Variants in FANCI observed in about 807,000 individuals in gnomAD.
FANCI encodes the protein Fanconi anemia group I protein.
In FANCI, 156 loss-of-function variants were observed where a neutral mutation model predicts 176.1. That is an observed-to-expected ratio of 0.89 (90% CI 0.78 to 1.01). FANCI has a LOEUF of 1.01. Among genes scored for constraint, FANCI ranks in the 50% least tolerant of loss-of-function variants. FANCI has a pLI of 0.00. For missense variants in FANCI, 1,678 were observed against 1,534.1 expected, an observed-to-expected ratio of 1.09 and a Z score of -1.57; for synonymous variants, 613 against 541.7, an observed-to-expected ratio of 1.13 and a Z score of -1.83.
chr15:89,315,827 T>TTACTCTTAGCAAGTGACAGTACC (rs2055218694), intron 37 of FANCI, among the ~76,000 whole-genome samples: 1 of 152,206 alleles, frequency 6.6e-6, no homozygotes, highest in African/African-American at 2.4e-5. Context: ...TCCTCTCCCT[T>TTACTCTTAGCAAGTGACAGTACC]TACTCTTAGC....
At chr15:89,316,266 G>A (rs1284492023) in intron 37 of FANCI, 131 bp from the exon 38 acceptor site, 4 of 912,878 alleles carry the variant, frequency 4.4e-6, no homozygotes, top group African/African-American at 1.7e-5. Context: ...CCTCCTGTGA[G>A]TGGGAAAGTG....
At chr15:89,310,104 G>C (rs1380260157) in intron 34 of FANCI, among the ~76,000 whole-genome samples, 1 of 152,192 alleles carries the variant, frequency 6.6e-6, no homozygotes, top group Admixed American at 6.5e-5. Flanking sequence ...TCTGAGACTT[G>C]AACCCAGCTA....
Position 89,293,823 on chromosome 15 carries a change from T to C in FANCI, c.2292-10T>C, listed in dbSNP as rs761237273. Reference sequence around the variant, plus strand: ...TTTGTCCTTAGCGGTCTCTTTTTTGTTTTTTACAGTAAGAATAGGTTTGAG... The same window carrying C: ...TTTGTCCTTAGCGGTCTCTTTTTTGCTTTTTACAGTAAGAATAGGTTTGAG... On this transcript the variant is annotated splice_polypyrimidine_tract_variant and intron_variant, in intron 22 of 37. Transcript: ENST00000310775. The C allele has an allele frequency of 2.5e-6, 4 of 1,613,328 alleles. No individual in the cohort carries two copies. In the South Asian group the frequency reaches 4.4e-5, roughly 18 times the overall value.
rs556710502 is a variant in FANCI at position 89,310,209 on chromosome 15, A to G, written c.3651+2537A>G. Among the ~76,000 whole-genome samples, 15 of 152,374 alleles carry G rather than the reference A, an allele frequency of 9.8e-5. No homozygotes were observed. In the South Asian group the frequency reaches 3.1e-3, roughly 32 times the overall value. The stretch of plus-strand genomic sequence containing the variant: ...GTCTCTATCACACCTACTCAACTCT[A>G]CTATTAGAACATAAAAGCAGCCATA... On this transcript the variant is annotated intron_variant, in intron 34 of 37. Transcript: ENST00000310775.
In FANCI at chr15:89,260,724, T is replaced by C. The variant is rs1228729061; in HGVS notation, c.169T>C (p.Ser57Pro). The change falls in exon 4 of 38, where the codon TCT (serine) becomes CCT (proline). Residue 57 changes from serine (S) to proline (P), a missense_variant. Physicochemically the swap from Ser to Pro is moderately conservative, Grantham distance 74 (BLOSUM62 -1). Transcript: ENST00000310775. ...TTTAAAACAATAAGGTTCCCCCTGC[T>C]CTGAGGAAGCTGGAACACTTAGGAG... ...LRAIFKGSPC[S>P]EEAGTLRRRK... 1 of 1,613,874 alleles carries C rather than the reference T, an allele frequency of 6.2e-7. No homozygotes were observed. Among genetic ancestry groups the C allele is most frequent in the African/African-American group, 1.3e-5 (1 of 75,052 alleles).
chr15:89,267,454 T>C (rs888515316), intron 9 of FANCI, among the ~76,000 whole-genome samples: 8 of 152,106 alleles, frequency 5.3e-5, no homozygotes, highest in Admixed American at 2.0e-4. Flanking sequence ...GATGGGACTT[T>C]ATTGTTTTTG....
intron 35 of FANCI, among the ~76,000 whole-genome samples, chr15:89,314,008 T>C (rs1008188133): frequency 1.6e-5 from 2 of 125,878 alleles, no homozygotes; most frequent in Admixed American, 8.2e-5. Context: ...CACACAAATG[T>C]AGGACCTACA....
In FANCI at chr15:89,263,894, G is replaced by C; in HGVS notation, c.546-9G>C. 6.2e-7 allele frequency: 1 copy of C among 1,614,002 alleles called. No homozygotes were observed. The highest frequency in any genetic ancestry group is 8.5e-7 in the Non-Finnish European group (1 of 1,179,924). ...ACTGTCTATAGCCTTTAGAATCTTTGATCCACAGGGATGTCCCTCTGACTG... is the reference window on the plus strand; with the variant it reads ...ACTGTCTATAGCCTTTAGAATCTTTCATCCACAGGGATGTCCCTCTGACTG... On this transcript the variant is annotated splice_polypyrimidine_tract_variant and intron_variant, in intron 7 of 37. Coordinates refer to ENST00000310775, the MANE Select transcript of FANCI (RefSeq NM_001113378.2).
intron 32 of FANCI, 131 bp downstream of exon 32, chr15:89,306,325 C>T: frequency 2.2e-6 from 2 of 919,478 alleles, no homozygotes; most frequent in Non-Finnish European, 3.5e-6. Context: ...CTTGGCAGGT[C>T]ATGGTTTCAT....
rs539383047 is a variant in FANCI, at chr15:89,312,792, C to T, written c.3652-112C>T. On this transcript the variant is annotated intron_variant, in intron 34 of 37. Transcript: ENST00000310775. ...CGACATCACGCCACTGCACACCAGC[C>T]TGGGTGACAGCAAAGCTCTGTCTTA... The T allele has an allele frequency of 3.9e-4, 316 of 810,218 alleles. 1 individual carries two copies. The African/African-American group carries it at 4.3e-3, about 11-fold the overall frequency. 50.2% of individuals were successfully genotyped at this position (810,218 alleles called of 1,614,324 possible). A position where few individuals can be genotyped will look rare whatever the true frequency, so the allele number is the denominator to read the frequency against.
rs1240903071 is a variant in FANCI at position 89,300,021 on chromosome 15, C to A, written c.2803+55C>A. ...TGATTTAGGTTTCTCCTTAGCTCAACCCCTTAATTCCATTTGTTAACCTAC... is the reference window on the plus strand; with the variant it reads ...TGATTTAGGTTTCTCCTTAGCTCAAACCCTTAATTCCATTTGTTAACCTAC... On this transcript the variant is annotated intron_variant, in intron 25 of 37. Coordinates refer to ENST00000310775, the MANE Select transcript of FANCI (RefSeq NM_001113378.2). 5 of 1,580,460 alleles carry A rather than the reference C, an allele frequency of 3.2e-6. No homozygotes were observed. In the East Asian group the frequency reaches 9.0e-5, roughly 28 times the overall value.
intron 22 of FANCI, 38 bp from the exon 23 acceptor site, chr15:89,293,795 A>T: frequency 6.3e-7 from 1 of 1,594,530 alleles, no homozygotes; most frequent in Non-Finnish European, 8.6e-7. Flanking sequence ...CAATATTCTG[A>T]TGTTTGTCCT....
intron 14 of FANCI, 139 bp from the exon 15 acceptor site, chr15:89,281,031 A>G: frequency 1.3e-6 from 1 of 791,106 alleles, no homozygotes; most frequent in Non-Finnish European, 2.1e-6. Flanking sequence ...ATATAGAATC[A>G]GTAGAAATTT....
At chr15:89,256,920 T>G (rs1348583167) in intron 2 of FANCI, among the ~76,000 whole-genome samples, 12 of 152,186 alleles carry the variant, frequency 7.9e-5, no homozygotes, top group Admixed American at 3.9e-4. Flanking sequence ...TTGTTGTTTT[T>G]TTTTGATATG....
At chr15:89,288,730 T>C (rs2151665518) in intron 18 of FANCI, among the ~76,000 whole-genome samples, 1 of 152,018 alleles carries the variant, frequency 6.6e-6, no homozygotes, top group African/African-American at 2.4e-5. Flanking sequence ...ATAATCCTCT[T>C]GCCTCAGCCC....
chr15:89,289,013 GT>G (rs543342512), intron 18 of FANCI, among the ~76,000 whole-genome samples: 103 of 145,054 alleles, frequency 7.1e-4, no homozygotes, highest in Middle Eastern at 3.5e-3. Flanking sequence ...TTTCTTTGAG[GT>G]TTTTTTTTTT....
intron 24 of FANCI, among the ~76,000 whole-genome samples, chr15:89,296,859 TCCTCACTTCCCAGTAGGGGCC>T (rs1567167924): frequency 7.0e-6 from 1 of 142,722 alleles, no homozygotes; most frequent in African/African-American, 2.6e-5. Flanking sequence ...GCAGAGGGGC[TCCTCACTTCCCAGTAGGGGCC>T]CCTCACCTCC....
intron 13 of FANCI, among the ~76,000 whole-genome samples, chr15:89,277,496 G>T (rs960972586): frequency 6.6e-6 from 1 of 151,364 alleles, no homozygotes; most frequent in African/African-American, 2.4e-5. Context: ...CGCACCTGCA[G>T]TCCCAGCTAC....
In FANCI at chr15:89,301,582, A is replaced by G. The variant is rs574537793; in HGVS notation, c.3006+140A>G. ...TGTTTAATTATACACCTGAGTTAAT[A>G]TAAGACCTATAAGATGTATTCTTTC... On this transcript the variant is annotated intron_variant, in intron 27 of 37. Coordinates refer to ENST00000310775, the MANE Select transcript of FANCI (RefSeq NM_001113378.2). 1.2e-3 allele frequency: 858 copies of G among 741,064 alleles called. 9 individuals are homozygous for G. The South Asian group carries it at 0.012, about 10-fold the overall frequency. 45.9% of individuals were successfully genotyped at this position (741,064 alleles called of 1,614,324 possible).
Sources: allele counts gnomAD v4.1 joint callset (sites outside exome capture counted in the v4.1 genomes callset), GRCh38; gene constraint gnomAD v4.1.1; transcripts MANE v1.5; gene names NCBI Gene and HGNC (gene_info 2026-07-23, HGNC 2026-07-21).